The following CCDC7 variants were observed in gnomAD, a reference collection of about 807,000 sequenced individuals.
The protein encoded by CCDC7 is coiled-coil domain containing 7, also known as coiled-coil domain-containing protein 7.
A neutral mutation model predicts 196.9 loss-of-function variants in CCDC7; 183 were observed. That is an observed-to-expected ratio of 0.93 (90% CI 0.82 to 1.05). The LOEUF (loss-of-function observed/expected upper bound fraction) is 1.05, where lower values mean the gene tolerates loss of function less well. Ranked by LOEUF, CCDC7 falls within the 50% of genes least tolerant of loss-of-function variation. CCDC7 has a pLI of 0.00. For synonymous variants in CCDC7, 525 were observed against 484.6 expected, an observed-to-expected ratio of 1.08 and a Z score of -1.10; for missense variants, 1,540 against 1,482.2, an observed-to-expected ratio of 1.04 and a Z score of -0.64.
chr10:32,573,806 T>C (rs2057871880), intron 16 of CCDC7, among the ~76,000 whole-genome samples: 1 of 152,204 alleles, frequency 6.6e-6, no homozygotes. Context: ...AGTTTAGCTC[T>C]AATGAGGAAA....
intron 28 of CCDC7, among the ~76,000 whole-genome samples, chr10:32,749,710 A>G (rs2133415385): frequency 6.6e-6 from 1 of 152,340 alleles, no homozygotes; most frequent in East Asian, 1.9e-4. Flanking sequence ...TTGAATATGT[A>G]TTGAATGAAA....
At chr10:32,526,571 CTG>C (rs1307079428) in intron 11 of CCDC7, among the ~76,000 whole-genome samples, 1 of 152,160 alleles carries the variant, frequency 6.6e-6, no homozygotes, top group Non-Finnish European at 1.5e-5. Context: ...ACAGTGTACT[CTG>C]TGCATATCAC....
chr10:32,872,798 A>G lies in CCDC7; in HGVS notation c.4112-3549A>G, dbSNP rs1461641487. Among the ~76,000 whole-genome samples the G allele has an allele frequency of 2.0e-5, 3 of 152,016 alleles. No homozygotes were observed. In the East Asian group the frequency reaches 5.8e-4, roughly 29 times the overall value. On this transcript the variant is annotated intron_variant, in intron 41 of 41. Transcript: ENST00000639629. ...GATTTTATTTCTCCTTCACTTATGA[A>G]GCTTAGTTTGGCTGGATATGAAATT... is the stretch of plus-strand genomic sequence containing the variant.
At chr10:32,705,674 C>T (rs2079602739) in intron 24 of CCDC7, among the ~76,000 whole-genome samples, 1 of 152,118 alleles carries the variant, frequency 6.6e-6, no homozygotes, top group South Asian at 2.1e-4. Context: ...CCATCCTAGT[C>T]TCTGTTAAAA....
At chr10:32,563,729 C>A (rs900955814) in intron 13 of CCDC7, among the ~76,000 whole-genome samples, 1 of 152,158 alleles carries the variant, frequency 6.6e-6, no homozygotes, top group African/African-American at 2.4e-5. Context: ...CCATTCAGGA[C>A]ATAGGCATGG....
At chr10:32,689,018 G>A (rs910332340) in intron 22 of CCDC7, 35 bp from the exon 24 acceptor site, 2 of 1,282,856 alleles carry the variant, frequency 1.6e-6, no homozygotes, top group Admixed American at 2.0e-5. Flanking sequence ...GGATTTATTT[G>A]TAATTTAGCG....
intron 31 of CCDC7, among the ~76,000 whole-genome samples, chr10:32,821,963 A>G (rs2135622107): frequency 6.6e-6 from 1 of 151,576 alleles, no homozygotes; most frequent in South Asian, 2.1e-4. Flanking sequence ...AGTATAACAA[A>G]AAAAGAAAAA....
intron 29 of CCDC7, among the ~76,000 whole-genome samples, chr10:32,795,706 C>T (rs1434177611): frequency 6.6e-6 from 1 of 152,126 alleles, no homozygotes; most frequent in Non-Finnish European, 1.5e-5. Context: ...TTATTAGATA[C>T]ATTTGCTTAG....
chr10:32,571,154 G>A (rs1332883612), intron 15 of CCDC7, among the ~76,000 whole-genome samples: 1 of 151,716 alleles, frequency 6.6e-6, no homozygotes, highest in African/African-American at 2.4e-5. Context: ...GATTACAGGC[G>A]CCCGCCACCA....
At chr10:32,841,193 A>T (rs529172802) in intron 33 of CCDC7, among the ~76,000 whole-genome samples, 142 of 152,228 alleles carry the variant, frequency 9.3e-4, no homozygotes, top group African/African-American at 3.2e-3. Flanking sequence ...CAAATTGGTA[A>T]AGAGGAAATC....
intron 29 of CCDC7, among the ~76,000 whole-genome samples, chr10:32,779,465 A>G (rs1031706770): frequency 1.3e-5 from 2 of 152,244 alleles, no homozygotes; most frequent in African/African-American, 4.8e-5. Context: ...TGGAACTAGT[A>G]CCATATAGGC....
chr10:32,484,019 C>T (rs184934371), intron 8 of CCDC7, among the ~76,000 whole-genome samples: 12,587 of 152,132 alleles, frequency 0.083, 572 homozygotes, highest in East Asian at 0.16. Flanking sequence ...GTAGTTTTTT[C>T]GAATTCTATG....
At chr10:32,732,832 G>A (rs2084219784) in intron 28 of CCDC7, among the ~76,000 whole-genome samples, 1 of 152,002 alleles carries the variant, frequency 6.6e-6, no homozygotes, top group Non-Finnish European at 1.5e-5. Context: ...TATTAACATA[G>A]CATCTTTTTA....
intron 24 of CCDC7, among the ~76,000 whole-genome samples, chr10:32,702,398 T>C (rs960450662): frequency 1.3e-5 from 2 of 152,212 alleles, no homozygotes; most frequent in African/African-American, 4.8e-5. Context: ...TTTGTTATAA[T>C]TTCTTTGCTT....
chr10:32,484,137 G>A (rs986935258), intron 8 of CCDC7, among the ~76,000 whole-genome samples: 7 of 152,148 alleles, frequency 4.6e-5, no homozygotes, highest in Non-Finnish European at 7.3e-5. Flanking sequence ...AGCATGGAAC[G>A]TTCTTCCATT....
exon 6 of CCDC7, chr10:32,471,152 T>C: frequency 6.2e-7 from 1 of 1,613,006 alleles, no homozygotes; most frequent in Non-Finnish European, 8.5e-7. Flanking sequence ...GTAAGGCTTG[T>C]ACAAAGATTT....
chr10:32,511,254 T>TGGGGGGTGGGGGGG (rs1167793491), intron 9 of CCDC7: 1 of 593,316 alleles, frequency 1.7e-6, no homozygotes, highest in African/African-American at 5.5e-5. Flanking sequence ...AATTATTCTG[T>TGGGGGGTGGGGGGG]GGGGGGCGGG....
intron 32 of CCDC7, among the ~76,000 whole-genome samples, chr10:32,831,466 A>G (rs770772880): frequency 1.3e-5 from 2 of 152,172 alleles, no homozygotes; most frequent in Non-Finnish European, 2.9e-5. Context: ...CTTTTTAACT[A>G]TAAACTTTTA....
chr10:32,824,983 C>A (rs1365280753), intron 32 of CCDC7, among the ~76,000 whole-genome samples: 1 of 152,176 alleles, frequency 6.6e-6, no homozygotes, highest in African/African-American at 2.4e-5. Flanking sequence ...TCATCGGTTA[C>A]CCATTCCCTC....
Sources: allele counts gnomAD v4.1 joint callset (sites outside exome capture counted in the v4.1 genomes callset), GRCh38; gene constraint gnomAD v4.1.1; transcripts MANE v1.5; gene names NCBI Gene and HGNC (gene_info 2026-07-23, HGNC 2026-07-21).